Variants in CSMD1 observed in about 807,000 individuals in gnomAD.
CSMD1 encodes the protein CUB and sushi domain-containing protein 1.
A neutral mutation model predicts 417.5 loss-of-function variants in CSMD1; 213 were observed. The ratio of observed to expected loss-of-function variants is 0.51; its 90% confidence interval spans 0.46 to 0.57. CSMD1 has a LOEUF of 0.57. Ranked by LOEUF, CSMD1 falls within the 20% of genes least tolerant of loss-of-function variation. The pLI is 0.00. For missense variants in CSMD1, 6,923 were observed against 4,529.7 expected (o/e 1.53, Z -15.17); for synonymous variants, 2,862 against 1,736.8 (o/e 1.65, Z -16.11).
intron 4 of CSMD1, among the ~76,000 whole-genome samples, chr8:4,030,265 G>A (rs565277920): frequency 3.3e-5 from 5 of 152,172 alleles, no homozygotes; most frequent in African/African-American, 9.7e-5. Flanking sequence ...CTCCTGCACT[G>A]CCCTAGCAAA....
chr8:3,791,028 C>A (rs911924206), intron 5 of CSMD1, among the ~76,000 whole-genome samples: 3 of 152,196 alleles, frequency 2.0e-5, no homozygotes, highest in African/African-American at 7.2e-5. Flanking sequence ...AAAGACTCCA[C>A]TAAAACCATG....
chr8:3,955,471 G>A (rs764755544), intron 5 of CSMD1, among the ~76,000 whole-genome samples: 37 of 152,286 alleles, frequency 2.4e-4, no homozygotes, highest in Middle Eastern at 6.8e-3. Flanking sequence ...GTAGAATTTT[G>A]TACTGATATG....
chr8:3,307,369 A>G (rs1804955334), intron 25 of CSMD1, among the ~76,000 whole-genome samples: 1 of 152,032 alleles, frequency 6.6e-6, no homozygotes, highest in Non-Finnish European at 1.5e-5. Context: ...ATCCCCAGGC[A>G]GTCTCACGCA....
chr8:3,484,590 C>G (rs1026206830), intron 11 of CSMD1, among the ~76,000 whole-genome samples: 5 of 152,146 alleles, frequency 3.3e-5, no homozygotes, highest in Admixed American at 2.0e-4. Context: ...ATAAACTAGA[C>G]TTCATCAAAA....
At chr8:3,801,044 A>C (rs1265931693) in intron 5 of CSMD1, among the ~76,000 whole-genome samples, 1 of 152,176 alleles carries the variant, frequency 6.6e-6, no homozygotes, top group Non-Finnish European at 1.5e-5. Flanking sequence ...AAATCTTTAT[A>C]ACCGTGGTTG....
chr8:3,412,826 C>A (rs1463183840), intron 12 of CSMD1, among the ~76,000 whole-genome samples: 1 of 152,202 alleles, frequency 6.6e-6, no homozygotes, highest in African/African-American at 2.4e-5. Context: ...GCTTGGGATG[C>A]CTTGAATGAG....
chr8:3,485,798 A>G (rs966286814), intron 11 of CSMD1, among the ~76,000 whole-genome samples: 7 of 149,492 alleles, frequency 4.7e-5, no homozygotes, highest in Non-Finnish European at 3.0e-5. Context: ...AAAATAAAAT[A>G]AAATAAAATA....
chr8:3,110,359 C>G, intron 42 of CSMD1, 24 bp from the exon 43 acceptor site: 3 of 1,577,206 alleles, frequency 1.9e-6, no homozygotes, highest in Non-Finnish European at 2.6e-6. Flanking sequence ...CAAGAAAAAA[C>G]AAGCGCCATA....
At chr8:3,077,424 T>C (rs1813762215) in intron 49 of CSMD1, among the ~76,000 whole-genome samples, 1 of 152,174 alleles carries the variant, frequency 6.6e-6, no homozygotes, top group Non-Finnish European at 1.5e-5. Flanking sequence ...GCACACACTG[T>C]CTGCATCGAT....
At chr8:3,113,627 C>G (rs1816672839) in intron 42 of CSMD1, among the ~76,000 whole-genome samples, 1 of 152,198 alleles carries the variant, frequency 6.6e-6, no homozygotes, top group Admixed American at 6.5e-5. Flanking sequence ...CTATCATTGC[C>G]TCAAATACCA....
At chr8:4,166,923 G>A (rs1797489690) in intron 3 of CSMD1, among the ~76,000 whole-genome samples, 1 of 152,174 alleles carries the variant, frequency 6.6e-6, no homozygotes, top group Admixed American at 6.5e-5. Context: ...ATGCTCAGCA[G>A]CCAGGTGGGG....
At chr8:4,187,495 A>C (rs1798752372) in intron 3 of CSMD1, among the ~76,000 whole-genome samples, 1 of 152,016 alleles carries the variant, frequency 6.6e-6, no homozygotes, top group Non-Finnish European at 1.5e-5. Context: ...AATACAAAAA[A>C]TCAGCCTGGG....
chr8:4,375,514 A>G (rs1008415941), intron 3 of CSMD1, among the ~76,000 whole-genome samples: 1 of 152,088 alleles, frequency 6.6e-6, no homozygotes, highest in Admixed American at 6.5e-5. Flanking sequence ...GTGACATCAG[A>G]AGAATTTTTT....
chr8:3,370,048 C>G (rs932986427), intron 18 of CSMD1, among the ~76,000 whole-genome samples: 1 of 152,160 alleles, frequency 6.6e-6, no homozygotes, highest in African/African-American at 2.4e-5. Context: ...GTAGTAGCTA[C>G]TAAATGATTA....
chr8:3,272,711 C>T (rs564289953), intron 26 of CSMD1, among the ~76,000 whole-genome samples: 3 of 145,328 alleles, frequency 2.1e-5, no homozygotes, highest in Non-Finnish European at 3.0e-5. Flanking sequence ...TGGGAGTTCA[C>T]TCCTGATTTG....
intron 10 of CSMD1, among the ~76,000 whole-genome samples, chr8:3,501,583 C>A (rs914183555): frequency 1.3e-5 from 2 of 152,108 alleles, no homozygotes; most frequent in Non-Finnish European, 2.9e-5. Flanking sequence ...GAAATGACAA[C>A]TCAGAACACA....
At chr8:4,795,691 T>C (rs1797943538) in intron 1 of CSMD1, among the ~76,000 whole-genome samples, 2 of 152,318 alleles carry the variant, frequency 1.3e-5, no homozygotes, top group African/African-American at 2.4e-5. Flanking sequence ...TTCTGTGAAC[T>C]GGGATCCGCA....
At chr8:3,143,320 A>T (rs1388773806) in intron 40 of CSMD1, among the ~76,000 whole-genome samples, 1 of 152,224 alleles carries the variant, frequency 6.6e-6, no homozygotes, top group Non-Finnish European at 1.5e-5. Context: ...TGTGCAAAAC[A>T]AATTATTGAT....
chr8:4,279,829 G>A (rs976324711), intron 3 of CSMD1, among the ~76,000 whole-genome samples: 2 of 152,178 alleles, frequency 1.3e-5, no homozygotes, highest in African/African-American at 2.4e-5. Flanking sequence ...AAAAGACTGA[G>A]TGCTTGCCTG....
Sources: gnomAD v4.1 joint callset for allele counts (sites outside exome capture counted in the v4.1 genomes callset) on GRCh38, gnomAD v4.1.1 for gene constraint, MANE v1.5 for transcripts, NCBI Gene and HGNC (gene_info 2026-07-23, HGNC 2026-07-21) for gene names.